PTPRN2: variants seen among roughly 807,000 people sequenced by gnomAD.
PTPRN2 encodes the protein protein tyrosine phosphatase receptor type N2.
A neutral mutation model predicts 118.8 loss-of-function variants in PTPRN2; 74 were observed. That is an observed-to-expected ratio of 0.62 (90% CI 0.52 to 0.76). The LOEUF (loss-of-function observed/expected upper bound fraction) is 0.76, where lower values mean the gene tolerates loss of function less well. Among genes scored for constraint, PTPRN2 ranks in the 30% least tolerant of loss-of-function variants. The pLI is 0.00. For synonymous variants in PTPRN2, 641 were observed against 608.0 expected, an observed-to-expected ratio of 1.05 and a Z score of -0.80; for missense variants, 1,481 against 1,394.4, an observed-to-expected ratio of 1.06 and a Z score of -0.99.
chr7:157,754,380 C>T (rs765792552), intron 12 of PTPRN2, among the ~76,000 whole-genome samples: 15 of 152,218 alleles, frequency 9.9e-5, no homozygotes, highest in Admixed American at 3.9e-4. Flanking sequence ...GGACATGCCC[C>T]GACACTCGGC....
At chr7:158,016,260 G>A (rs1265405649) in intron 11 of PTPRN2, among the ~76,000 whole-genome samples, 1 of 152,222 alleles carries the variant, frequency 6.6e-6, no homozygotes, top group African/African-American at 2.4e-5. Flanking sequence ...CACGGGCAGA[G>A]TGTCACACTT....
chr7:158,167,317 G>A (rs775838524), intron 5 of PTPRN2, 26 bp from the exon 6 acceptor site: 4 of 1,550,252 alleles, frequency 2.6e-6, no homozygotes, highest in Admixed American at 3.7e-5. Flanking sequence ...GCAAAACAGA[G>A]CAAGAGTCAC....
intron 1 of PTPRN2, among the ~76,000 whole-genome samples, chr7:158,538,703 C>G (rs1433489107): frequency 6.6e-6 from 1 of 152,148 alleles, no homozygotes; most frequent in African/African-American, 2.4e-5. Flanking sequence ...TACGGACACC[C>G]CAGCCACTAC....
chr7:157,764,048 C>T lies in PTPRN2; in HGVS notation c.1789-81111G>A, dbSNP rs370424304. Among the ~76,000 whole-genome samples the T allele has an allele frequency of 1.3e-5, 2 of 152,184 alleles. No homozygotes were observed. Among genetic ancestry groups the T allele is most frequent in the Admixed American group, 6.5e-5 (1 of 15,280 alleles). Reference sequence around the variant, plus strand: ...TGGAGGCTAGGAGAGGCCATGCACGCACCCTCTAGGATGGCCGTAACTAAA... The same window carrying T: ...TGGAGGCTAGGAGAGGCCATGCACGTACCCTCTAGGATGGCCGTAACTAAA... On this transcript the variant is annotated intron_variant, in intron 12 of 22. Transcript: ENST00000389418. This position sits in a 1 kb window ranked among gnomAD's most constrained non-coding sequence, Gnocchi z 4.5.
chr7:157,587,952 C>T lies in PTPRN2; in HGVS notation c.2496+7286G>A, dbSNP rs1421176769. On this transcript the variant is annotated intron_variant, in intron 17 of 22. Coordinates refer to ENST00000389418, the MANE Select transcript of PTPRN2 (RefSeq NM_002847.5). This position sits in a 1 kb window ranked among gnomAD's most constrained non-coding sequence, Gnocchi z 5.3. ...GGCTGTCCCCGTGCCTGGGCTCCCG[C>T]GGTGGCTGTCCCCGTGCCTGGGCTC... Among the ~76,000 whole-genome samples the T allele has an allele frequency of 4.1e-5, 6 of 146,610 alleles. No homozygotes were observed. Among genetic ancestry groups the T allele is most frequent in the Non-Finnish European group, 9.0e-5 (6 of 66,558 alleles).
chr7:158,561,514 AT>A lies in PTPRN2; in HGVS notation c.112+26043del, dbSNP rs942977759. ...ACCAGAAGGTTTGGGTGATATTTCA[AT>A]TTTTTTTATTTTAAAGCAAGTATAA... On this transcript the variant is annotated intron_variant, in intron 1 of 22. Coordinates refer to ENST00000389418, the MANE Select transcript of PTPRN2 (RefSeq NM_002847.5). Among the ~76,000 whole-genome samples the A allele has an allele frequency of 1.2e-4, 19 of 152,184 alleles. 1 individual carries two copies. The highest frequency in any genetic ancestry group is 3.4e-4 in the African/African-American group (14 of 41,542).
At chr7:158,149,794 A>G (rs1820756943) in intron 6 of PTPRN2, among the ~76,000 whole-genome samples, 1 of 141,356 alleles carries the variant, frequency 7.1e-6, no homozygotes, top group Non-Finnish European at 1.6e-5. Flanking sequence ...ACAGAGCAAG[A>G]GTCCATCTCA....
chr7:158,053,923 T>TGCAGAGACC (rs1809551670), intron 11 of PTPRN2, among the ~76,000 whole-genome samples: 1 of 77,896 alleles, frequency 1.3e-5, no homozygotes, highest in Non-Finnish European at 2.7e-5. Context: ...ATGCAGAGAC[T>TGCAGAGACC]CCAGAGACGC....
In PTPRN2 at chr7:157,654,846, A is replaced by G. The variant is rs376672085; in HGVS notation, c.2196+1511T>C. On this transcript the variant is annotated intron_variant, in intron 14 of 22. Coordinates refer to ENST00000389418, the MANE Select transcript of PTPRN2 (RefSeq NM_002847.5). ...TATCAGAACACAATGAGAGCTCGCT[A>G]AGCGGCTCTCCTCTTGGCTGACCTG... is the stretch of plus-strand genomic sequence containing the variant. 1.1e-4 allele frequency among the ~76,000 whole-genome samples: 17 copies of G among 152,332 alleles called. No homozygotes were observed. The East Asian group carries it at 2.9e-3, about 26-fold the overall frequency.
chr7:158,247,580 C>T (rs971530593), intron 3 of PTPRN2, among the ~76,000 whole-genome samples: 7 of 152,122 alleles, frequency 4.6e-5, no homozygotes, highest in Non-Finnish European at 8.8e-5. Context: ...AGCCACACAG[C>T]AAACACAGCA....
chr7:158,018,155 C>T (rs745624711), intron 11 of PTPRN2, among the ~76,000 whole-genome samples: 1 of 152,200 alleles, frequency 6.6e-6, no homozygotes, highest in Non-Finnish European at 1.5e-5. Flanking sequence ...AAAGGACCAG[C>T]CTGATTCCTC....
intron 3 of PTPRN2, among the ~76,000 whole-genome samples, chr7:158,210,352 G>C (rs1827506530): frequency 6.6e-6 from 1 of 151,758 alleles, no homozygotes; most frequent in African/African-American, 2.4e-5. Flanking sequence ...AGCCAGGATG[G>C]TCTCGATCTC....
intron 17 of PTPRN2, among the ~76,000 whole-genome samples, chr7:157,592,011 T>A (rs896092571): frequency 6.6e-6 from 1 of 152,188 alleles, no homozygotes; most frequent in African/African-American, 2.4e-5. Context: ...TGAGCTCTTG[T>A]CTTAGAAAAG....
intron 12 of PTPRN2, among the ~76,000 whole-genome samples, chr7:157,772,344 TACACACAC>T (rs1230372050): frequency 2.0e-5 from 2 of 100,100 alleles, no homozygotes; most frequent in African/African-American, 5.5e-5. Flanking sequence ...CACACAGACA[TACACACAC>T]ACACATACAC....
At chr7:157,870,317 G>T (rs1275244659) in intron 12 of PTPRN2, among the ~76,000 whole-genome samples, 1 of 152,136 alleles carries the variant, frequency 6.6e-6, no homozygotes, top group African/African-American at 2.4e-5. Flanking sequence ...ATTGATGAGG[G>T]GGTCTGCCAC....
At chr7:158,274,425 G>C (rs1162047425) in intron 3 of PTPRN2, among the ~76,000 whole-genome samples, 2 of 129,128 alleles carry the variant, frequency 1.5e-5, no homozygotes, top group Non-Finnish European at 3.3e-5. Context: ...GGGAGCCGCA[G>C]ACAGACATGG....
Position 158,338,332 on chromosome 7 carries a change from C to T in PTPRN2, c.164-21400G>A, listed in dbSNP as rs367602936. ...CACTGTCACCATAAGAGCTGACACCCGCAGACGTCACTCACATCCACACTC... is the reference window on the plus strand; with the variant it reads ...CACTGTCACCATAAGAGCTGACACCTGCAGACGTCACTCACATCCACACTC... On this transcript the variant is annotated intron_variant, in intron 2 of 22. Coordinates refer to ENST00000389418, the MANE Select transcript of PTPRN2 (RefSeq NM_002847.5). Among the ~76,000 whole-genome samples the T allele has an allele frequency of 5.4e-3, 157 of 28,922 alleles. 23 individuals are homozygous for T. Among genetic ancestry groups the T allele is most frequent in the African/African-American group, 0.025 (141 of 5,624 alleles). The allele number at this position is 28,922 out of a possible 152,430, so 19.0% of individuals were successfully genotyped here. A position where few individuals can be genotyped will look rare whatever the true frequency, so the allele number is the denominator to read the frequency against.
rs1225118509 is a variant in PTPRN2 at position 157,977,217 on chromosome 7, C to G, written c.1724-78480G>C. 6.6e-6 allele frequency among the ~76,000 whole-genome samples: 1 copy of G among 151,876 alleles called. No homozygotes were observed. Among genetic ancestry groups the G allele is most frequent in the African/African-American group, 2.4e-5 (1 of 41,408 alleles). ...GGTGCCGTTCCAGCACCGGGGACTC[C>G]CTGGTGTGACCCACAGGTAGGGTGG... is the stretch of plus-strand genomic sequence containing the variant. On this transcript the variant is annotated intron_variant, in intron 11 of 22. Coordinates refer to ENST00000389418, the MANE Select transcript of PTPRN2 (RefSeq NM_002847.5). This position sits in a 1 kb window ranked among gnomAD's most constrained non-coding sequence, Gnocchi z 4.6.
intron 1 of PTPRN2, among the ~76,000 whole-genome samples, chr7:158,499,989 A>T (rs1658928301): frequency 6.6e-6 from 1 of 151,764 alleles, no homozygotes; most frequent in African/African-American, 2.4e-5. Flanking sequence ...TAAAAGACAA[A>T]AACTGCTTCC....
Sources: gnomAD v4.1 joint callset for allele counts (sites outside exome capture counted in the v4.1 genomes callset) on GRCh38, gnomAD v4.1.1 for gene constraint, Gnocchi (gnomAD v3.1) non-coding constraint, MANE v1.5 for transcripts, NCBI Gene and HGNC (gene_info 2026-07-23, HGNC 2026-07-21) for gene names.